The following ANKFN1 variants were observed in gnomAD, a reference collection of about 807,000 sequenced individuals.
ANKFN1 encodes the protein ankyrin repeat and fibronectin type-III domain-containing protein 1.
Under a neutral mutation model 108.7 loss-of-function variants are expected in ANKFN1, and 74 were observed. The ratio of observed to expected loss-of-function variants is 0.68; its 90% CI spans 0.56 to 0.83. The LOEUF (loss-of-function observed/expected upper bound fraction) is 0.83. Ranked by LOEUF, ANKFN1 falls within the 40% of genes least tolerant of loss-of-function variation. The pLI, the probability that ANKFN1 is intolerant of heterozygous loss-of-function variation, is 0.00. For missense variants in ANKFN1, 1,505 were observed against 1,382.3 expected (o/e 1.09, Z -1.41); for synonymous variants, 547 against 516.2 (o/e 1.06, Z -0.81).
rs1376959463 is a variant in ANKFN1, at chr17:56,124,605, A to G, written c.288+78280A>G. Among the ~76,000 whole-genome samples the G allele has an allele frequency of 2.0e-5, 3 of 152,116 alleles. No homozygotes were observed. In the East Asian group the frequency reaches 5.8e-4, roughly 29 times the overall value. On this transcript the variant is annotated intron_variant, in intron 4 of 12. Coordinates refer to the ANKFN1 transcript ENST00000635860. ...TTGTTCAGGACCCCAGTCAAATCCT[A>G]ACCTAGGGTTTGGCCCACTTTCTAT...
chr17:56,328,188 C>A (rs935725806), intron 4 of ANKFN1, among the ~76,000 whole-genome samples: 1 of 152,030 alleles, frequency 6.6e-6, no homozygotes, highest in Non-Finnish European at 1.5e-5. Context: ...GTATTTTTTT[C>A]AGAGGGTAGT....
rs75064252 is a variant in ANKFN1 at position 56,369,866 on chromosome 17, A to T, written c.602-2780A>T. Among the ~76,000 whole-genome samples the T allele has an allele frequency of 7.5e-3, 1,142 of 152,340 alleles. 11 individuals carry two copies. The highest frequency in any genetic ancestry group is 0.026 in the African/African-American group (1,075 of 41,574). On this transcript the variant is annotated intron_variant, in intron 6 of 20. Transcript: ENST00000682825. ...ACTTTTAACAACAGATGCAAATGATAGTCTCAAGGACACCTGTGTTCTTAA... is the reference window on the plus strand; with the variant it reads ...ACTTTTAACAACAGATGCAAATGATTGTCTCAAGGACACCTGTGTTCTTAA...
chr17:56,117,424 T>C (rs1906349730), intron 4 of ANKFN1, among the ~76,000 whole-genome samples: 1 of 152,174 alleles, frequency 6.6e-6, no homozygotes, highest in Non-Finnish European at 1.5e-5. Context: ...ACTGCAAAAG[T>C]ACTTAAATAA....
At chr17:56,375,294 C>G (rs1235179479) in intron 8 of ANKFN1, among the ~76,000 whole-genome samples, 2 of 151,986 alleles carry the variant, frequency 1.3e-5, no homozygotes, top group Non-Finnish European at 2.9e-5. Flanking sequence ...AAGTAAATTC[C>G]AAATGGAAAG....
At chr17:56,238,402 G>A (rs536492147) in intron 3 of ANKFN1, among the ~76,000 whole-genome samples, 1 of 152,226 alleles carries the variant, frequency 6.6e-6, no homozygotes, top group Non-Finnish European at 1.5e-5. Flanking sequence ...ATTATTGTGT[G>A]CGAATCTAAG....
At chr17:56,117,331 G>A (rs1282089589) in intron 4 of ANKFN1, among the ~76,000 whole-genome samples, 1 of 152,138 alleles carries the variant, frequency 6.6e-6, no homozygotes, top group Non-Finnish European at 1.5e-5. Flanking sequence ...CCTGATTTTA[G>A]TTGCATCATT....
At chr17:56,387,899 T>C (rs898958178) in intron 8 of ANKFN1, among the ~76,000 whole-genome samples, 3 of 152,228 alleles carry the variant, frequency 2.0e-5, no homozygotes, top group African/African-American at 4.8e-5. Context: ...TTAACTTATA[T>C]ACTCAATCTA....
intron 1 of ANKFN1, among the ~76,000 whole-genome samples, chr17:56,209,926 T>C (rs1914842282): frequency 6.6e-6 from 1 of 152,204 alleles, no homozygotes; most frequent in Admixed American, 6.5e-5. Context: ...ATGTTTGGTT[T>C]TCCATTCCTG....
intron 4 of ANKFN1, among the ~76,000 whole-genome samples, chr17:56,054,682 CG>C (rs1904835481): frequency 6.6e-6 from 1 of 151,914 alleles, no homozygotes; most frequent in African/African-American, 2.4e-5. Flanking sequence ...GAGTCTGAGG[CG>C]GGTGGATCAC....
rs151091419 is a variant in ANKFN1, at chr17:56,296,890, C to T, written c.54-29331C>T. Among the ~76,000 whole-genome samples the T allele has an allele frequency of 5.7e-3, 862 of 152,264 alleles. 10 individuals are homozygous for T. The highest frequency in any genetic ancestry group is 0.02 in the African/African-American group (826 of 41,538). ...CATATGAGGATTAAATTAGATAATA[C>T]CCACACATAGCATGCTTGGTAAATA... On this transcript the variant is annotated intron_variant, in intron 3 of 20. Transcript: ENST00000682825.
chr17:56,160,362 C>T (rs1370744589), intron 1 of ANKFN1, among the ~76,000 whole-genome samples: 1 of 152,168 alleles, frequency 6.6e-6, no homozygotes, highest in East Asian at 1.9e-4. Flanking sequence ...TCAGTGTGGT[C>T]CTTGTTACAC....
At chr17:56,272,523 C>T (rs567592425) in intron 3 of ANKFN1, among the ~76,000 whole-genome samples, 1 of 152,270 alleles carries the variant, frequency 6.6e-6, no homozygotes, top group South Asian at 2.1e-4. Context: ...CTTTTTAAGG[C>T]TGAATAATAT....
chr17:56,230,494 C>T (rs1916651501), intron 3 of ANKFN1, among the ~76,000 whole-genome samples: 1 of 152,014 alleles, frequency 6.6e-6, no homozygotes, highest in African/African-American at 2.4e-5. Context: ...GGAGACCCTC[C>T]CTGTTTTAGT....
At position 56,515,448 on chromosome 17, in the gene ANKFN1, T is replaced by C. The variant is rs1009682599; in HGVS notation, c.*4179T>C. ...TCTTCAAGGAAATTTTTAAAATAGC[T>C]ATTTGGAAAGCAATGGTATCTCTTC... On this transcript the variant is annotated 3_prime_UTR_variant, in exon 21 of 21. Coordinates refer to ENST00000682825, the MANE Select transcript of ANKFN1 (RefSeq NM_001370326.1). Among the ~76,000 whole-genome samples the C allele has an allele frequency of 3.9e-5, 6 of 152,212 alleles. No homozygotes were observed. Among genetic ancestry groups the C allele is most frequent in the Non-Finnish European group, 5.9e-5 (4 of 68,026 alleles).
chr17:56,073,341 A>G (rs1391221487), intron 4 of ANKFN1, among the ~76,000 whole-genome samples: 7 of 152,238 alleles, frequency 4.6e-5, no homozygotes, highest in Admixed American at 2.0e-4. Context: ...TTTCAAACAC[A>G]TCGAAACATT....
At chr17:56,418,974 C>T (rs1046848100) in intron 8 of ANKFN1, among the ~76,000 whole-genome samples, 2 of 152,200 alleles carry the variant, frequency 1.3e-5, no homozygotes, top group Non-Finnish European at 2.9e-5. Context: ...CAACTCCGAT[C>T]TCAGGGGGAT....
chr17:56,226,899 C>T (rs1916317328), intron 2 of ANKFN1, among the ~76,000 whole-genome samples: 1 of 151,994 alleles, frequency 6.6e-6, no homozygotes, highest in Non-Finnish European at 1.5e-5. Flanking sequence ...TTTGAAATAG[C>T]CACTAGTAAT....
intron 15 of ANKFN1, 32 bp from the exon 16 acceptor site, chr17:56,477,452 CTTGT>C: frequency 6.8e-7 from 1 of 1,481,128 alleles, no homozygotes; most frequent in Non-Finnish European, 9.0e-7. Flanking sequence ...GAGTTGTTTT[CTTGT>C]TTTCTTTTTT....
At chr17:56,273,456 T>A (rs539106509) in intron 3 of ANKFN1, among the ~76,000 whole-genome samples, 1 of 152,170 alleles carries the variant, frequency 6.6e-6, no homozygotes, top group Non-Finnish European at 1.5e-5. Flanking sequence ...GTGTCAGAAC[T>A]GAATTTCTAA....
Sources: gnomAD v4.1 joint callset for allele counts (sites outside exome capture counted in the v4.1 genomes callset) on GRCh38, gnomAD v4.1.1 for gene constraint, MANE v1.5 for transcripts, NCBI Gene and HGNC (gene_info 2026-07-23, HGNC 2026-07-21) for gene names.